The following PHF21B variants were observed in gnomAD, a reference collection of about 807,000 sequenced individuals.
PHF21B encodes the protein PHD finger protein 4.
Under a neutral mutation model 62.2 loss-of-function variants are expected in PHF21B, and 22 were observed. The observed-to-expected ratio is 0.35, with a 90% CI of 0.25 to 0.51. PHF21B has a LOEUF of 0.51. Ranked by LOEUF, PHF21B falls within the 20% of genes least tolerant of loss-of-function variation. The pLI, the probability that PHF21B is intolerant of heterozygous loss-of-function variation, is 0.97. For missense variants in PHF21B, 701 were observed against 707.9 expected, an observed-to-expected ratio of 0.99 and a Z score of 0.11; for synonymous variants, 341 against 314.7, an observed-to-expected ratio of 1.08 and a Z score of -0.88.
intron 2 of PHF21B, among the ~76,000 whole-genome samples, chr22:44,973,156 G>A (rs1456947732): frequency 6.6e-6 from 1 of 152,146 alleles, no homozygotes; most frequent in Non-Finnish European, 1.5e-5. Flanking sequence ...AGTCCCCGAG[G>A]GGCTGCATTC....
At chr22:44,936,870 C>CTTTTTTTT (rs370585353) in intron 2 of PHF21B, among the ~76,000 whole-genome samples, 7 of 128,618 alleles carry the variant, frequency 5.4e-5, no homozygotes, top group East Asian at 2.3e-4. Flanking sequence ...CACTTTCTTT[C>CTTTTTTTT]TTTTTTTTTT....
At position 44,985,528 on chromosome 22, in the gene PHF21B, T is replaced by C. The variant is rs145969727; in HGVS notation, c.120+23017A>G. ...CAGGAGGATCGCTGGAACCCAGGAG[T>C]TGGAAGTTGCATTGAGCCATGATTG... On this transcript the variant is annotated intron_variant, in intron 2 of 12. Transcript: ENST00000313237. 1.1e-3 allele frequency among the ~76,000 whole-genome samples: 162 copies of C among 151,608 alleles called. 1 individual carries two copies. Among genetic ancestry groups the C allele is most frequent in the African/African-American group, 3.8e-3 (156 of 41,286 alleles).
chr22:44,930,628 G>A (rs965373206), intron 2 of PHF21B, among the ~76,000 whole-genome samples: 2 of 152,198 alleles, frequency 1.3e-5, no homozygotes, highest in African/African-American at 4.8e-5. Flanking sequence ...GGAGGCTACA[G>A]CTCCCAAAGG....
chr22:44,919,980 C>T (rs979791005), intron 3 of PHF21B, among the ~76,000 whole-genome samples: 1 of 152,218 alleles, frequency 6.6e-6, no homozygotes, highest in Admixed American at 6.5e-5. Flanking sequence ...TGTGCTGCCC[C>T]TCCCTGAAAT....
intron 2 of PHF21B, among the ~76,000 whole-genome samples, chr22:44,940,074 G>C (rs2071926378): frequency 1.3e-5 from 2 of 152,166 alleles, no homozygotes; most frequent in South Asian, 4.1e-4. Flanking sequence ...CTGGGCCTCA[G>C]TTTCCCCTTC....
chr22:44,937,281 G>A (rs992436216), intron 2 of PHF21B, among the ~76,000 whole-genome samples: 2 of 152,210 alleles, frequency 1.3e-5, no homozygotes, highest in African/African-American at 2.4e-5. Context: ...CAGTGACTAC[G>A]AGAAAGCCTT....
intron 5 of PHF21B, among the ~76,000 whole-genome samples, chr22:44,909,665 C>T (rs565393352): frequency 2.0e-5 from 3 of 152,258 alleles, no homozygotes; most frequent in South Asian, 2.1e-4. Context: ...GTCTTCACCC[C>T]CTACTGCAGT....
intron 2 of PHF21B, among the ~76,000 whole-genome samples, chr22:44,964,321 T>C (rs946116015): frequency 2.0e-5 from 3 of 152,152 alleles, no homozygotes; most frequent in Admixed American, 1.3e-4. Context: ...CTCTTCCCAA[T>C]GCAGCCTCGG....
chr22:44,944,759 A>G (rs550149678), intron 2 of PHF21B, among the ~76,000 whole-genome samples: 2 of 152,338 alleles, frequency 1.3e-5, no homozygotes, highest in South Asian at 4.1e-4. Context: ...CGAGCTCCTG[A>G]TGAGTGAGTG....
rs562039951 is a variant in PHF21B, at chr22:44,893,570, C to T, written c.884-37G>A. On this transcript the variant is annotated intron_variant, in intron 6 of 12. Coordinates refer to ENST00000313237, the MANE Select transcript of PHF21B (RefSeq NM_138415.5). ...CAGACACAGCAGTTACTGGGTCCTG[C>T]CTGCCCTGGGAACCCCAAATGCTTC... The T allele has an allele frequency of 9.0e-6, 14 of 1,563,994 alleles. No individual in the cohort carries two copies. In the South Asian group the frequency reaches 1.4e-4, roughly 16 times the overall value.
rs1258244583 is a variant in PHF21B, at chr22:44,933,750, CAGAG to C, written c.121-13264_121-13261del. 1.8e-3 allele frequency among the ~76,000 whole-genome samples: 273 copies of C among 151,962 alleles called. 1 individual carries two copies. Among genetic ancestry groups the C allele is most frequent in the African/African-American group, 3.6e-3 (151 of 41,416 alleles). ...AGAGAGAGAGAGACAGACAGACAGA[CAGAG>C]AGACAGAGACAGAGAGACAGACACA... is the stretch of plus-strand genomic sequence containing the variant. On this transcript the variant is annotated intron_variant, in intron 2 of 12. Transcript: ENST00000313237.
Position 45,008,599 on chromosome 22 carries a change from G to A in PHF21B, c.66C>T (p.Leu22=). Residue 22 remains leucine, a synonymous_variant, in exon 2 of 13, where the codon CTC becomes CTT. Coordinates refer to ENST00000313237, the MANE Select transcript of PHF21B (RefSeq NM_138415.5). ...GCTGCCTTTCGTGGAGCTGCTTCTT[G>A]AGGTCGCCGTTCTGCGGAAACACGG... ...VELARHQNGD[L]KKQLHERQPR... is the part of the protein sequence containing the mutation. 1 of 1,589,280 alleles carries A rather than the reference G, an allele frequency of 6.3e-7. No homozygotes were observed. The highest frequency in any genetic ancestry group is 8.6e-7 in the Non-Finnish European group (1 of 1,168,594).
chr22:44,930,420 A>T (rs2071717785), intron 2 of PHF21B, among the ~76,000 whole-genome samples: 1 of 152,214 alleles, frequency 6.6e-6, no homozygotes, highest in Non-Finnish European at 1.5e-5. Flanking sequence ...ATAATAAATA[A>T]ATATGCATGA....
chr22:44,999,357 C>G (rs1229961044), intron 2 of PHF21B, among the ~76,000 whole-genome samples: 1 of 152,032 alleles, frequency 6.6e-6, no homozygotes, highest in Non-Finnish European at 1.5e-5. Flanking sequence ...GAGGAAACCC[C>G]CCAGCTGCGA....
intron 10 of PHF21B, among the ~76,000 whole-genome samples, chr22:44,887,075 G>C (rs960633492): frequency 2.7e-5 from 4 of 148,218 alleles, no homozygotes; most frequent in Non-Finnish European, 4.4e-5. Flanking sequence ...AGAATCGCTT[G>C]AACCCAGAAG....
intron 2 of PHF21B, among the ~76,000 whole-genome samples, chr22:44,995,728 C>G (rs989016327): frequency 3.9e-5 from 6 of 152,112 alleles, no homozygotes; most frequent in Non-Finnish European, 8.8e-5. Context: ...ATGTCGGCAC[C>G]TTCCGAGATG....
intron 2 of PHF21B, among the ~76,000 whole-genome samples, chr22:44,955,242 A>T (rs1207543071): frequency 6.6e-6 from 1 of 152,170 alleles, no homozygotes; most frequent in Non-Finnish European, 1.5e-5. Context: ...GCACCACTCC[A>T]CAGCTGTGTG....
intron 5 of PHF21B, among the ~76,000 whole-genome samples, chr22:44,909,823 G>A (rs1049200678): frequency 6.6e-6 from 1 of 152,220 alleles, no homozygotes; most frequent in South Asian, 2.1e-4. Flanking sequence ...TGCAGACCAT[G>A]CCCCTTCTCT....
At chr22:44,974,634 C>T (rs904300177) in intron 2 of PHF21B, among the ~76,000 whole-genome samples, 1 of 152,164 alleles carries the variant, frequency 6.6e-6, no homozygotes, top group Non-Finnish European at 1.5e-5. Context: ...CACCACCTGA[C>T]CTGCTCATAG....
Sources: allele counts gnomAD v4.1 joint callset (sites outside exome capture counted in the v4.1 genomes callset), GRCh38; gene constraint gnomAD v4.1.1; transcripts MANE v1.5; gene names NCBI Gene and HGNC (gene_info 2026-07-23, HGNC 2026-07-21).